Variants in GNG2 observed in about 807,000 individuals in gnomAD.
GNG2 encodes the protein guanine nucleotide-binding protein G(I)/G(S)/G(O) subunit gamma-2.
In GNG2, 5 loss-of-function variants were observed where a neutral mutation model predicts 5.5. That is an observed-to-expected ratio of 0.91 (90% CI 0.48 to 1.92). GNG2 has a LOEUF of 1.92. GNG2 is among the 30% of genes most tolerant of loss of function. The pLI is 0.01. For missense variants in GNG2, 55 were observed against 88.4 expected, an observed-to-expected ratio of 0.62 and a Z score of 1.52; for synonymous variants, 28 against 32.0, an observed-to-expected ratio of 0.88 and a Z score of 0.42.
chr14:51,830,622 A>T (rs142200740), intron 2 of GNG2, among the ~76,000 whole-genome samples: 3 of 152,350 alleles, frequency 2.0e-5, no homozygotes, highest in Non-Finnish European at 2.9e-5. Context: ...CAGACTCTAC[A>T]TTGAATCCAT....
At chr14:51,851,435 A>G (rs552373104) in intron 2 of GNG2, among the ~76,000 whole-genome samples, 2 of 152,270 alleles carry the variant, frequency 1.3e-5, no homozygotes, top group South Asian at 4.1e-4. Context: ...TAACCTCATC[A>G]TTTACTTATA....
chr14:51,886,654 G>C (rs1884477696), intron 2 of GNG2, among the ~76,000 whole-genome samples: 1 of 152,220 alleles, frequency 6.6e-6, no homozygotes, highest in South Asian at 2.1e-4. Context: ...GGACAGTGGG[G>C]AGAGGACCTC....
At chr14:51,961,813 G>A (rs1283021029) in intron 3 of GNG2, among the ~76,000 whole-genome samples, 1 of 152,166 alleles carries the variant, frequency 6.6e-6, no homozygotes, top group African/African-American at 2.4e-5. Flanking sequence ...AAGTAAAGGA[G>A]ATATTTGAGA....
At chr14:51,948,219 C>A (rs1360424258) in intron 2 of GNG2, among the ~76,000 whole-genome samples, 1 of 152,168 alleles carries the variant, frequency 6.6e-6, no homozygotes, top group Non-Finnish European at 1.5e-5. Flanking sequence ...ATACACCTAG[C>A]TAAAATTCAG....
At chr14:51,954,668 C>T (rs17124774) in intron 3 of GNG2, among the ~76,000 whole-genome samples, 2,779 of 152,186 alleles carry the variant, frequency 0.018, 91 homozygotes, top group African/African-American at 0.064. Flanking sequence ...TTGAGAACTG[C>T]GAGTGCTCCG....
chr14:51,952,051 T>G, intron 3 of GNG2: 1 of 612,538 alleles, frequency 1.6e-6, no homozygotes, highest in Non-Finnish European at 2.9e-6. Context: ...TAAAAAGAAT[T>G]TTTCAGTTCA....
rs1274208694 is a variant in GNG2, at chr14:51,928,004, A to G, written c.-29-22646A>G. On this transcript the variant is annotated intron_variant, in intron 2 of 3. Transcript: ENST00000556766. Reference sequence around the variant, plus strand: ...GTCTCCTCTGAAGTCTCAATTGGGTATTTGCCTTTCTCTCTCTCTCTCTTT... The same window carrying G: ...GTCTCCTCTGAAGTCTCAATTGGGTGTTTGCCTTTCTCTCTCTCTCTCTTT... 2.2e-5 allele frequency among the ~76,000 whole-genome samples: 3 copies of G among 135,716 alleles called. No individual in the cohort carries two copies. The East Asian group carries it at 6.7e-4, about 30-fold the overall frequency. 89.0% of individuals were successfully genotyped at this position (135,716 alleles called of 152,430 possible). A position where few individuals can be genotyped will look rare whatever the true frequency, so the allele number is the denominator to read the frequency against.
chr14:51,892,050 T>G (rs55669017), intron 2 of GNG2, among the ~76,000 whole-genome samples: 48,812 of 152,162 alleles, frequency 0.32, 8,438 homozygotes, highest in Non-Finnish European at 0.4. Context: ...GAGTTCCTCT[T>G]GCTCCACTTG....
intron 3 of GNG2, among the ~76,000 whole-genome samples, chr14:51,964,938 G>A (rs139075114): frequency 6.6e-6 from 1 of 152,230 alleles, no homozygotes; most frequent in African/African-American, 2.4e-5. Flanking sequence ...CTCAGCCCTG[G>A]GACAAGAAAC....
intron 2 of GNG2, among the ~76,000 whole-genome samples, chr14:51,943,144 TA>T (rs1272354415): frequency 6.6e-6 from 1 of 152,076 alleles, no homozygotes; most frequent in Non-Finnish European, 1.5e-5. Context: ...CCTACAAAGG[TA>T]AATTCCAGGG....
chr14:51,886,300 C>T lies in GNG2; in HGVS notation c.-30+8643C>T, dbSNP rs143512028. Reference sequence around the variant, plus strand: ...TCTGTGACTATGCCTTCACCTTACACAATTGCCAGTGAGCACTGGTGTGAG... The same window carrying T: ...TCTGTGACTATGCCTTCACCTTACATAATTGCCAGTGAGCACTGGTGTGAG... On this transcript the variant is annotated intron_variant, in intron 2 of 3. Coordinates refer to ENST00000556766, the MANE Select transcript of GNG2 (RefSeq NM_053064.5). Among the ~76,000 whole-genome samples the T allele has an allele frequency of 1.8e-3, 268 of 152,338 alleles. 1 individual carries two copies. The highest frequency in any genetic ancestry group is 6.3e-3 in the African/African-American group (261 of 41,576).
At chr14:51,954,851 A>G (rs1432806498) in intron 3 of GNG2, among the ~76,000 whole-genome samples, 2 of 152,168 alleles carry the variant, frequency 1.3e-5, no homozygotes, top group African/African-American at 2.4e-5. Flanking sequence ...AATCCTTTTC[A>G]GTCTCCATAG....
Position 51,923,851 on chromosome 14 carries a change from G to C in GNG2, c.-29-26799G>C, listed in dbSNP as rs570602068. Among the ~76,000 whole-genome samples the C allele has an allele frequency of 2.0e-5, 3 of 152,288 alleles. No homozygotes were observed. The East Asian group carries it at 5.8e-4, about 29-fold the overall frequency. Reference sequence around the variant, plus strand: ...TCCCAGATTCCCTGGGGTAGGGGTGGACTCAGCTTTAGCTTCAACAGACTC... The same window carrying C: ...TCCCAGATTCCCTGGGGTAGGGGTGCACTCAGCTTTAGCTTCAACAGACTC... On this transcript the variant is annotated intron_variant, in intron 2 of 3. Coordinates refer to ENST00000556766, the MANE Select transcript of GNG2 (RefSeq NM_053064.5).
chr14:51,929,520 A>G (rs1887531765), intron 2 of GNG2, among the ~76,000 whole-genome samples: 1 of 152,192 alleles, frequency 6.6e-6, no homozygotes, highest in Non-Finnish European at 1.5e-5. Context: ...AGCAAGGCCC[A>G]AGGTAAAGAA....
Position 51,873,294 on chromosome 14 carries a change from G to C in GNG2, c.-70-4323G>C, listed in dbSNP as rs542458810. On this transcript the variant is annotated intron_variant, in intron 1 of 3. Coordinates refer to ENST00000556766, the MANE Select transcript of GNG2 (RefSeq NM_053064.5). The stretch of plus-strand genomic sequence containing the variant: ...GGGCTTCTGGGGGAACAATCTGTGA[G>C]TCATTTTAAAAAACAAACACACTCA... Among the ~76,000 whole-genome samples, 3 of 152,266 alleles carry C rather than the reference G, an allele frequency of 2.0e-5. No individual in the cohort carries two copies. The East Asian group carries it at 5.8e-4, about 29-fold the overall frequency.
chr14:51,916,409 A>G (rs776147148), intron 2 of GNG2: 1 of 447,556 alleles, frequency 2.2e-6, no homozygotes, highest in South Asian at 1.6e-5. Flanking sequence ...TTGGCTTCCC[A>G]CGAGGACCTA....
chr14:51,921,849 A>G (rs1370894197), intron 2 of GNG2, among the ~76,000 whole-genome samples: 2 of 152,246 alleles, frequency 1.3e-5, no homozygotes, highest in African/African-American at 4.8e-5. Context: ...ATAAGCATTA[A>G]CTTCAGCTGA....
chr14:51,848,152 C>T (rs1881724815), intron 2 of GNG2, among the ~76,000 whole-genome samples: 1 of 151,978 alleles, frequency 6.6e-6, no homozygotes, highest in African/African-American at 2.4e-5. Flanking sequence ...TTCTTATAGC[C>T]CTAGTTTCAA....
At chr14:51,844,206 G>A (rs1272280549) in intron 2 of GNG2, among the ~76,000 whole-genome samples, 3 of 152,166 alleles carry the variant, frequency 2.0e-5, no homozygotes, top group Non-Finnish European at 2.9e-5. Flanking sequence ...CCTGTCACTG[G>A]CTCTCCTTTC....
Sources: gnomAD v4.1 joint callset for allele counts (sites outside exome capture counted in the v4.1 genomes callset) on GRCh38, gnomAD v4.1.1 for gene constraint, MANE v1.5 for transcripts, NCBI Gene and HGNC (gene_info 2026-07-23, HGNC 2026-07-21) for gene names.